The following EVL variants were observed in gnomAD, a reference collection of about 807,000 sequenced individuals.
The protein encoded by EVL is Enah/Vasp-like.
Under a neutral mutation model 59.6 loss-of-function variants are expected in EVL, and 21 were observed. The observed-to-expected ratio is 0.35, with a 90% CI of 0.25 to 0.51. The LOEUF is 0.51. EVL is among the 20% of genes least tolerant of loss of function. The pLI, the probability that EVL is intolerant of heterozygous loss-of-function variation, is 0.97. For missense variants in EVL, 462 were observed against 546.6 expected (o/e 0.85, Z 1.54); for synonymous variants, 198 against 203.5 (o/e 0.97, Z 0.23).
At chr14:100,058,268 A>G (rs2061766089) in intron 1 of EVL, among the ~76,000 whole-genome samples, 1 of 152,236 alleles carries the variant, frequency 6.6e-6, no homozygotes, top group Non-Finnish European at 1.5e-5. Context: ...ATTCAAGTCA[A>G]CACAGTTGTT....
intron 1 of EVL, among the ~76,000 whole-genome samples, chr14:100,036,563 T>G (rs1245455943): frequency 6.6e-6 from 1 of 152,192 alleles, no homozygotes; most frequent in African/African-American, 2.4e-5. Flanking sequence ...TTTTTTTTTG[T>G]TTTGCAGTAT....
chr14:100,136,213 A>G (rs1187245074), intron 9 of EVL, among the ~76,000 whole-genome samples: 1 of 152,216 alleles, frequency 6.6e-6, no homozygotes, highest in African/African-American at 2.4e-5. Context: ...TCACCTTCCC[A>G]CCAGGACCCT....
rs375767857 is a variant in EVL at position 100,001,590 on chromosome 14, A to G, written c.5+29533A>G. ...CTTTGGTGGAACTTTGTTCCATTGA[A>G]GGAGTCTCAGATAAGGCTTTTTAAA... On this transcript the variant is annotated intron_variant, in intron 1 of 13. Coordinates refer to the EVL transcript ENST00000402714. Among the ~76,000 whole-genome samples, 220 of 152,338 alleles carry G rather than the reference A, an allele frequency of 1.4e-3. 1 individual carries two copies. The highest frequency in any genetic ancestry group is 4.9e-3 in the African/African-American group (204 of 41,586).
chr14:100,052,208 G>A (rs1595098561), intron 1 of EVL, among the ~76,000 whole-genome samples: 1 of 152,244 alleles, frequency 6.6e-6, no homozygotes, highest in Non-Finnish European at 1.5e-5. Context: ...TTGAAAATAA[G>A]GTCAAACTTT....
chr14:99,998,314 G>A lies in EVL; in HGVS notation c.5+26257G>A, dbSNP rs540148813. Among the ~76,000 whole-genome samples, 6 of 152,156 alleles carry A rather than the reference G, an allele frequency of 3.9e-5. No individual in the cohort carries two copies. In the South Asian group the frequency reaches 8.3e-4, roughly 21 times the overall value. Reference sequence around the variant, plus strand: ...TTACAGACATGAGCCCCTGCACTCCGCACAACAAAATATTTATTATATGCA... The same window carrying A: ...TTACAGACATGAGCCCCTGCACTCCACACAACAAAATATTTATTATATGCA... On this transcript the variant is annotated intron_variant, in intron 1 of 13. Coordinates refer to the EVL transcript ENST00000402714.
At chr14:100,073,647 GAAGA>G (rs1433935131) in intron 1 of EVL, among the ~76,000 whole-genome samples, 1 of 152,116 alleles carries the variant, frequency 6.6e-6, no homozygotes, top group Admixed American at 6.5e-5. Context: ...ATAAATGCAG[GAAGA>G]AAGAAAGAGA....
intron 1 of EVL, among the ~76,000 whole-genome samples, chr14:100,032,751 A>G (rs113955302): frequency 6.6e-6 from 1 of 152,096 alleles, no homozygotes. Context: ...ACAGCCCACA[A>G]AATTTCTCTT....
intron 1 of EVL, among the ~76,000 whole-genome samples, chr14:100,080,150 C>T (rs1393618557): frequency 6.6e-6 from 1 of 151,762 alleles, no homozygotes; most frequent in Non-Finnish European, 1.5e-5. Flanking sequence ...GATCTTTTGG[C>T]TTCCCTGGGC....
intron 8 of EVL, among the ~76,000 whole-genome samples, chr14:100,134,432 T>A (rs997714550): frequency 6.6e-6 from 1 of 152,186 alleles, no homozygotes; most frequent in Admixed American, 6.5e-5. Flanking sequence ...AGCACTCTCC[T>A]CCTCAGACCC....
chr14:100,135,745 T>G, intron 8 of EVL, 160 bp from the exon 9 acceptor site: 1 of 659,884 alleles, frequency 1.5e-6, no homozygotes, highest in East Asian at 2.7e-5. Flanking sequence ...ACTGAGATTT[T>G]GCGTTTTCAC....
chr14:100,127,609 T>A lies in EVL; in HGVS notation c.487+838T>A, dbSNP rs535674771. On this transcript the variant is annotated intron_variant, in intron 5 of 13. Transcript: ENST00000392920. This position sits in a 1 kb window ranked among gnomAD's most constrained non-coding sequence, Gnocchi z 4.2. Reference sequence around the variant, plus strand: ...AGCCTGTGCCTGCCCTCTCTCCCTCTAGTGCCTCGCAAGCACTTCCCATCC... The same window carrying A: ...AGCCTGTGCCTGCCCTCTCTCCCTCAAGTGCCTCGCAAGCACTTCCCATCC... 6.6e-6 allele frequency among the ~76,000 whole-genome samples: 1 copy of A among 152,324 alleles called. No homozygotes were observed. Among genetic ancestry groups the A allele is most frequent in the East Asian group, 1.9e-4 (1 of 5,176 alleles).
chr14:100,052,820 C>T (rs2061668189), intron 1 of EVL: 1 of 151,918 alleles, frequency 6.6e-6, no homozygotes, highest in Admixed American at 6.6e-5. Flanking sequence ...TATTAGTCTG[C>T]TTGGGCTGCT....
chr14:99,998,849 A>G (rs1206363628), intron 1 of EVL, among the ~76,000 whole-genome samples: 1 of 152,116 alleles, frequency 6.6e-6, no homozygotes, highest in African/African-American at 2.4e-5. Context: ...CTCAGGAGGA[A>G]ATTGGTGTTT....
chr14:99,998,816 A>C (rs1260109797), intron 1 of EVL, among the ~76,000 whole-genome samples: 1 of 152,152 alleles, frequency 6.6e-6, no homozygotes, highest in African/African-American at 2.4e-5. Flanking sequence ...ACCCTCCAAG[A>C]TACATAATGT....
At chr14:100,113,115 G>A (rs1887108028) in intron 3 of EVL, among the ~76,000 whole-genome samples, 1 of 152,202 alleles carries the variant, frequency 6.6e-6, no homozygotes, top group African/African-American at 2.4e-5. Context: ...GAGTCTTAAA[G>A]GGGATGGACA....
chr14:100,015,650 T>C (rs922743413), intron 1 of EVL, among the ~76,000 whole-genome samples: 5 of 152,222 alleles, frequency 3.3e-5, no homozygotes, highest in Admixed American at 6.5e-5. Flanking sequence ...GTTGAGCCTG[T>C]CCTGGTAGAG....
At chr14:100,062,270 T>C (rs548045224), upstream of EVL, among the ~76,000 whole-genome samples, 2 of 151,892 alleles carry the variant, frequency 1.3e-5, no homozygotes, top group Non-Finnish European at 2.9e-5. Context: ...TAACATTGTA[T>C]TTTGAGTAAC....
At chr14:100,074,132 A>G (rs909491898) in intron 1 of EVL, among the ~76,000 whole-genome samples, 4 of 152,150 alleles carry the variant, frequency 2.6e-5, no homozygotes, top group Non-Finnish European at 5.9e-5. Flanking sequence ...AGTGACCTCC[A>G]CAGTTGATCT....
At chr14:99,976,127 C>T (rs2060768662) in intron 1 of EVL, among the ~76,000 whole-genome samples, 1 of 152,022 alleles carries the variant, frequency 6.6e-6, no homozygotes, top group South Asian at 2.1e-4. Flanking sequence ...CTTAAACTCC[C>T]ACCTTAGCCT....
Sources: gnomAD v4.1 joint callset for allele counts (sites outside exome capture counted in the v4.1 genomes callset) on GRCh38, gnomAD v4.1.1 for gene constraint, Gnocchi (gnomAD v3.1) non-coding constraint, MANE v1.5 for transcripts, NCBI Gene and HGNC (gene_info 2026-07-23, HGNC 2026-07-21) for gene names.